The following FAM81B variants were observed in gnomAD, a reference collection of about 807,000 sequenced individuals.
The protein encoded by FAM81B is family with sequence similarity 81 member B, also known as protein FAM81B.
Under a neutral mutation model 58.7 loss-of-function variants are expected in FAM81B, and 60 were observed. The ratio of observed to expected loss-of-function variants is 1.02; its 90% confidence interval spans 0.83 to 1.27. FAM81B has a LOEUF of 1.27. FAM81B is among the 50% of genes most tolerant of loss of function. The pLI is 0.00. For missense variants in FAM81B, 491 were observed against 522.0 expected (o/e 0.94, Z 0.58); for synonymous variants, 189 against 179.6 (o/e 1.05, Z -0.42).
At chr5:95,393,004 A>G (rs1761869748) in intron 2 of FAM81B, 107 bp downstream of exon 2, 26 of 1,012,636 alleles carry the variant, frequency 2.6e-5, no homozygotes, top group Non-Finnish European at 3.6e-5. Flanking sequence ...TAGTTCTCCC[A>G]CATTTCCTGT....
chr5:95,441,166 G>T (rs1355367061), intron 7 of FAM81B, among the ~76,000 whole-genome samples: 1 of 152,094 alleles, frequency 6.6e-6, no homozygotes, highest in African/African-American at 2.4e-5. Flanking sequence ...GATACCAGCG[G>T]CTAAAACATA....
At chr5:95,444,880 G>T (rs545619497) in intron 7 of FAM81B, among the ~76,000 whole-genome samples, 1 of 152,180 alleles carries the variant, frequency 6.6e-6, no homozygotes, top group Admixed American at 6.5e-5. Context: ...ATCATTCTTT[G>T]TTGTGAGTCT....
intron 3 of FAM81B, among the ~76,000 whole-genome samples, chr5:95,407,261 TACACACACACACAC>T (rs5869678): frequency 1.4e-5 from 2 of 143,762 alleles, no homozygotes; most frequent in African/African-American, 2.6e-5. Context: ...TGTTCTCTTT[TACACACACACACAC>T]ACACACACAC....
intron 1 of FAM81B, among the ~76,000 whole-genome samples, chr5:95,392,226 C>A (rs1369922649): frequency 6.6e-6 from 1 of 152,106 alleles, no homozygotes. Flanking sequence ...AGCTGGAAAC[C>A]ATCATTCTCA....
At chr5:95,397,600 A>G (rs541262237) in intron 3 of FAM81B, among the ~76,000 whole-genome samples, 1 of 152,378 alleles carries the variant, frequency 6.6e-6, no homozygotes, top group East Asian at 1.9e-4. Flanking sequence ...AACAAACTTA[A>G]GCAGCAGAAG....
At chr5:95,395,293 T>A (rs902522630) in intron 2 of FAM81B, among the ~76,000 whole-genome samples, 3 of 151,340 alleles carry the variant, frequency 2.0e-5, no homozygotes, top group Admixed American at 6.6e-5. Context: ...CAAAAAAAAA[T>A]TTAGCCAGGC....
chr5:95,394,508 C>G (rs1761911840), intron 2 of FAM81B, among the ~76,000 whole-genome samples: 1 of 152,170 alleles, frequency 6.6e-6, no homozygotes, highest in Non-Finnish European at 1.5e-5. Context: ...TCTCAGGACT[C>G]AGTACTGTTT....
intron 7 of FAM81B, chr5:95,440,595 G>A: frequency 3.1e-6 from 2 of 649,130 alleles, no homozygotes; most frequent in East Asian, 7.9e-5. Flanking sequence ...AGAGCTCAGA[G>A]AGCTACAGAC....
chr5:95,448,522 A>C (rs1191128814), intron 9 of FAM81B, 58 bp downstream of exon 9: 7 of 1,486,222 alleles, frequency 4.7e-6, no homozygotes, highest in Non-Finnish European at 4.5e-6. Flanking sequence ...TCAATCCCTC[A>C]GTCTTCCACT....
At chr5:95,412,666 C>T (rs1582797563) in intron 3 of FAM81B, among the ~76,000 whole-genome samples, 2 of 152,312 alleles carry the variant, frequency 1.3e-5, no homozygotes, top group South Asian at 2.1e-4. Context: ...AATTCCAAAT[C>T]TGTCATGGTT....
chr5:95,450,363 T>G lies in FAM81B; in HGVS notation c.*81T>G. On this transcript the variant is annotated 3_prime_UTR_variant, in exon 10 of 10. Transcript: ENST00000283357. ...TTCTGAAGAAGAAAGTTACTATCTC[T>G]GGGATGTTTACTGCTTCTAATGTCT... 3.8e-6 allele frequency: 6 copies of G among 1,579,940 alleles called. No individual in the cohort carries two copies. Among genetic ancestry groups the G allele is most frequent in the Non-Finnish European group, 4.3e-6 (5 of 1,168,130 alleles).
At chr5:95,403,805 T>C (rs990128832) in intron 3 of FAM81B, among the ~76,000 whole-genome samples, 6 of 152,194 alleles carry the variant, frequency 3.9e-5, no homozygotes, top group Non-Finnish European at 5.9e-5. Context: ...AGGTTTCTCT[T>C]TGCATCTCAT....
chr5:95,446,679 G>A lies in FAM81B; in HGVS notation c.1011G>A (p.Lys337=). 1.2e-6 allele frequency: 2 copies of A among 1,611,400 alleles called. No individual in the cohort carries two copies. Among genetic ancestry groups the A allele is most frequent in the Non-Finnish European group, 1.7e-6 (2 of 1,179,388 alleles). The change falls in exon 8 of 10, where the codon AAG becomes AAA. Residue 337 remains lysine (K), a synonymous_variant. Transcript: ENST00000283357. The part of the protein sequence containing the change: ...DHLGHINECL[K]VLQEKLEKSE... Reference sequence around the variant, plus strand: ...TGGGCCATATAAATGAATGTCTGAAGGTCCTACAGGAGAAACTGGTGAGGA... The same window carrying A: ...TGGGCCATATAAATGAATGTCTGAAAGTCCTACAGGAGAAACTGGTGAGGA...
At chr5:95,428,563 T>C (rs946776700) in intron 5 of FAM81B, 40 bp from the exon 6 acceptor site, 1 of 1,609,896 alleles carries the variant, frequency 6.2e-7, no homozygotes, top group South Asian at 1.1e-5. Context: ...AAAAATGTTA[T>C]AAAGGTATTG....
chr5:95,409,469 T>A (rs941496253), intron 3 of FAM81B, among the ~76,000 whole-genome samples: 9 of 109,038 alleles, frequency 8.3e-5, no homozygotes, highest in Non-Finnish European at 1.5e-4. Context: ...TGTCATCAGT[T>A]TTTAAAGAAT....
At position 95,391,433 on chromosome 5, in the gene FAM81B, G is replaced by GA. The variant is rs1239207692; in HGVS notation, c.51dup (p.Ser18IlefsTer15). 112 of 1,612,544 alleles carry GA rather than the reference G, an allele frequency of 6.9e-5. No individual in the cohort carries two copies. The highest frequency in any genetic ancestry group is 9.1e-5 in the Non-Finnish European group (107 of 1,179,436). ...GGTACATTGGCTTCCTCAGAAAAAA[G>GA]AAAAAAATCACAGAGATTGTTTTTC... On this transcript the variant is annotated frameshift_variant, in exon 1 of 10. Coordinates refer to ENST00000283357, the MANE Select transcript of FAM81B (RefSeq NM_152548.3). LOFTEE classifies it high-confidence loss of function.
intron 6 of FAM81B, among the ~76,000 whole-genome samples, chr5:95,433,920 T>G (rs1273174688): frequency 6.6e-6 from 1 of 152,218 alleles, no homozygotes; most frequent in Non-Finnish European, 1.5e-5. Context: ...TCTTTCTTAA[T>G]TTTAATACTT....
At chr5:95,445,231 G>A (rs1745508637) in intron 7 of FAM81B, among the ~76,000 whole-genome samples, 1 of 152,146 alleles carries the variant, frequency 6.6e-6, no homozygotes, top group Admixed American at 6.5e-5. Context: ...GAAAACATCA[G>A]AGCAATTATT....
intron 9 of FAM81B, 83 bp from the exon 10 acceptor site, chr5:95,450,066 G>A: frequency 7.7e-6 from 11 of 1,432,262 alleles, no homozygotes; most frequent in Non-Finnish European, 1.0e-5. Flanking sequence ...AATCAATTAT[G>A]GCAGGACTGC....
Sources: allele counts gnomAD v4.1 joint callset (sites outside exome capture counted in the v4.1 genomes callset), GRCh38; gene constraint gnomAD v4.1.1; transcripts MANE v1.5; gene names NCBI Gene and HGNC (gene_info 2026-07-23, HGNC 2026-07-21).